NRG1: variants seen among roughly 807,000 people sequenced by gnomAD.
NRG1 encodes neuregulin 1.
In NRG1, 18 loss-of-function variants were observed where a neutral mutation model predicts 63.8. The ratio of observed to expected loss-of-function variants is 0.28; its 90% confidence interval spans 0.19 to 0.42. The LOEUF (loss-of-function observed/expected upper bound fraction) is 0.42, where lower values mean the gene tolerates loss of function less well. Ranked by LOEUF, NRG1 falls within the 10% of genes least tolerant of loss-of-function variation. The pLI is 1.00. For synonymous variants in NRG1, 302 were observed against 301.3 expected, an observed-to-expected ratio of 1.00 and a Z score of -0.02; for missense variants, 762 against 814.7, an observed-to-expected ratio of 0.94 and a Z score of 0.79.
At chr8:31,849,800 A>T (rs2129608853) in intron 1 of NRG1, among the ~76,000 whole-genome samples, 1 of 152,220 alleles carries the variant, frequency 6.6e-6, no homozygotes, top group South Asian at 2.1e-4. Context: ...CCTGAAAATA[A>T]TGTGTCAGTT....
intron 1 of NRG1, among the ~76,000 whole-genome samples, chr8:31,866,739 T>A: frequency 6.6e-6 from 1 of 152,216 alleles, no homozygotes; most frequent in East Asian, 1.9e-4. Context: ...AGGAGCAAAC[T>A]TCATAAAATG....
chr8:31,954,189 GCT>G (rs1287621928), intron 1 of NRG1, among the ~76,000 whole-genome samples: 1 of 152,068 alleles, frequency 6.6e-6, no homozygotes, highest in Admixed American at 6.5e-5. Context: ...CAGCCCTGGA[GCT>G]GGAACAGACC....
intron 5 of NRG1, among the ~76,000 whole-genome samples, chr8:32,679,985 T>C (rs1808176855): frequency 6.6e-6 from 1 of 152,256 alleles, no homozygotes; most frequent in South Asian, 2.1e-4. Flanking sequence ...TCATTATTTT[T>C]GACATTGAGG....
intron 9 of NRG1, among the ~76,000 whole-genome samples, chr8:32,757,314 G>A (rs1829857135): frequency 6.6e-6 from 1 of 151,958 alleles, no homozygotes; most frequent in Admixed American, 6.6e-5. Flanking sequence ...TTGGAGTATT[G>A]CTCTTTATAT....
chr8:32,300,328 GC>G (rs1855441451), intron 1 of NRG1, among the ~76,000 whole-genome samples: 1 of 152,292 alleles, frequency 6.6e-6, no homozygotes, highest in African/African-American at 2.4e-5. Flanking sequence ...AATTAGTATA[GC>G]CAAATTTTAT....
chr8:32,023,405 A>G (rs964087742), intron 1 of NRG1, among the ~76,000 whole-genome samples: 1 of 152,108 alleles, frequency 6.6e-6, no homozygotes, highest in Non-Finnish European at 1.5e-5. Flanking sequence ...TGTGCAGGAA[A>G]GGAAGTGAAT....
At chr8:32,080,284 A>G (rs1236517961) in intron 1 of NRG1, among the ~76,000 whole-genome samples, 1 of 152,198 alleles carries the variant, frequency 6.6e-6, no homozygotes, top group African/African-American at 2.4e-5. Context: ...AAGGTGTAAG[A>G]ACATGTCCTG....
intron 1 of NRG1, among the ~76,000 whole-genome samples, chr8:32,161,512 G>A (rs1838828505): frequency 6.6e-6 from 1 of 151,776 alleles, no homozygotes; most frequent in African/African-American, 2.4e-5. Flanking sequence ...ATAAAAGTAT[G>A]CAACATAACA....
chr8:31,972,039 G>A (rs752460075), intron 1 of NRG1, among the ~76,000 whole-genome samples: 3 of 152,068 alleles, frequency 2.0e-5, no homozygotes, highest in Non-Finnish European at 2.9e-5. Flanking sequence ...TTTCTCGCAC[G>A]CATACACACA....
At chr8:32,092,755 C>A (rs1829366361) in intron 1 of NRG1, among the ~76,000 whole-genome samples, 2 of 152,094 alleles carry the variant, frequency 1.3e-5, no homozygotes, top group African/African-American at 4.8e-5. Flanking sequence ...CAAGACCAAG[C>A]CTTGAGGACC....
chr8:32,728,121 T>C (rs1331155640), intron 6 of NRG1, 43 bp downstream of exon 6: 2 of 1,608,884 alleles, frequency 1.2e-6, no homozygotes, highest in South Asian at 2.2e-5. Context: ...CTATAACTCC[T>C]TGTTTCAGAT....
chr8:31,831,641 T>C (rs908928011), intron 1 of NRG1, among the ~76,000 whole-genome samples: 3 of 152,188 alleles, frequency 2.0e-5, no homozygotes, highest in Non-Finnish European at 4.4e-5. Context: ...TTGGGTATTC[T>C]CTCTCTATGG....
rs570201249 is a variant in NRG1, at chr8:31,810,685, C to G, written c.37+171254C>G. On this transcript the variant is annotated intron_variant, in intron 1 of 10. Transcript: ENST00000519301. The stretch of plus-strand genomic sequence containing the variant: ...TATCATCCACTGTCCCTCTTTATCC[C>G]TTTTCCCTGCCCTTTTTCTTAATAA... Among the ~76,000 whole-genome samples, 4 of 152,264 alleles carry G rather than the reference C, an allele frequency of 2.6e-5. No individual in the cohort carries two copies. The East Asian group carries it at 7.7e-4, about 29-fold the overall frequency.
rs189018675 is a variant in NRG1, at chr8:32,747,946, C to T, written c.691+5213C>T. On this transcript the variant is annotated intron_variant, in intron 7 of 11. Coordinates refer to ENST00000356819, the Ensembl canonical transcript of NRG1. Reference sequence around the variant, plus strand: ...TTCTGCTGTTTGCCAACATATTTCACGTCTCCTTTACTCCCCAGGCATGCC... The same window carrying T: ...TTCTGCTGTTTGCCAACATATTTCATGTCTCCTTTACTCCCCAGGCATGCC... Among the ~76,000 whole-genome samples, 292 of 151,980 alleles carry T rather than the reference C, an allele frequency of 1.9e-3. 2 individuals carry two copies. Among genetic ancestry groups the T allele is most frequent in the African/African-American group, 6.8e-3 (281 of 41,412 alleles).
chr8:32,626,103 CCT>C (rs1307506672), intron 5 of NRG1, among the ~76,000 whole-genome samples: 1 of 151,800 alleles, frequency 6.6e-6, no homozygotes. Context: ...CAAAACTTTC[CCT>C]CTCTTTAATG....
intron 5 of NRG1, among the ~76,000 whole-genome samples, chr8:32,618,290 G>A (rs1174725097): frequency 6.6e-6 from 1 of 151,828 alleles, no homozygotes; most frequent in Non-Finnish European, 1.5e-5. Flanking sequence ...TCTCCTGTGT[G>A]ATTCATTGAA....
At chr8:32,521,232 T>G (rs531397416) in intron 1 of NRG1, among the ~76,000 whole-genome samples, 1 of 152,194 alleles carries the variant, frequency 6.6e-6, no homozygotes, top group Non-Finnish European at 1.5e-5. Context: ...CAAATGGATA[T>G]AGAATATCCT....
intron 1 of NRG1, among the ~76,000 whole-genome samples, chr8:32,298,545 G>A (rs1023163006): frequency 2.0e-5 from 3 of 151,516 alleles, no homozygotes; most frequent in African/African-American, 4.9e-5. Flanking sequence ...GAGGAGCCCC[G>A]TCTTTACTAA....
intron 1 of NRG1, among the ~76,000 whole-genome samples, chr8:31,656,414 A>T (rs1805442386): frequency 6.6e-6 from 1 of 152,230 alleles, no homozygotes; most frequent in South Asian, 2.1e-4. Flanking sequence ...GACTTAGGAC[A>T]GAGTTCTGGC....
Sources: gnomAD v4.1 joint callset for allele counts (sites outside exome capture counted in the v4.1 genomes callset) on GRCh38, gnomAD v4.1.1 for gene constraint, MANE v1.5 for transcripts, NCBI Gene and HGNC (gene_info 2026-07-23, HGNC 2026-07-21) for gene names.